The following PLEKHB2 variants were observed in gnomAD, a reference collection of about 807,000 sequenced individuals.
PLEKHB2 encodes pleckstrin homology domain containing B2, also known as pleckstrin homology domain-containing family B member 2.
A neutral mutation model predicts 36.5 loss-of-function variants in PLEKHB2; 31 were observed. The observed-to-expected ratio is 0.85, with a 90% CI of 0.64 to 1.15. PLEKHB2 has a LOEUF of 1.15. PLEKHB2 is among the 50% of genes most tolerant of loss of function. The probability of loss-of-function intolerance (pLI) is 0.00; values close to 1 mark genes in which losing one functional copy is unlikely to be tolerated. For synonymous variants in PLEKHB2, 119 were observed against 112.0 expected, an observed-to-expected ratio of 1.06 and a Z score of -0.39; for missense variants, 262 against 295.3, an observed-to-expected ratio of 0.89 and a Z score of 0.83.
intron 7 of PLEKHB2, 23 bp from the exon 8 acceptor site, chr2:131,146,614 C>A: frequency 6.3e-7 from 1 of 1,595,904 alleles, no homozygotes; most frequent in South Asian, 1.1e-5. Context: ...GCTCAGAAAT[C>A]TGCTATTTTC....
chr2:131,140,865 G>C (rs865936345), intron 7 of PLEKHB2, among the ~76,000 whole-genome samples: 1 of 152,236 alleles, frequency 6.6e-6, no homozygotes, highest in Admixed American at 6.5e-5. Context: ...AGGGTGGGGA[G>C]GGCAGAGCTG....
intron 7 of PLEKHB2, among the ~76,000 whole-genome samples, chr2:131,141,689 A>G (rs1225128536): frequency 6.6e-6 from 1 of 151,896 alleles, no homozygotes; most frequent in African/African-American, 2.4e-5. Flanking sequence ...ATATTTGTCC[A>G]TTGTCTTGTG....
In PLEKHB2 at chr2:131,111,711, G is replaced by A. The variant is rs535090779; in HGVS notation, c.-9+6313G>A. On this transcript the variant is annotated intron_variant, in intron 1 of 7. Coordinates refer to ENST00000693505, the MANE Select transcript of PLEKHB2 (RefSeq NM_001100623.2). ...TCACCATGTTGGCCAGGCTGGTCTC[G>A]AACTCCTGACCTCAAGTGATCTACT... Among the ~76,000 whole-genome samples, 882 of 151,976 alleles carry A rather than the reference G, an allele frequency of 5.8e-3. 3 individuals are homozygous for A. Among genetic ancestry groups the A allele is most frequent in the Non-Finnish European group, 9.5e-3 (649 of 67,964 alleles).
intron 1 of PLEKHB2, among the ~76,000 whole-genome samples, chr2:131,110,968 T>C (rs1366118324): frequency 6.6e-6 from 1 of 152,168 alleles, no homozygotes; most frequent in Non-Finnish European, 1.5e-5. Context: ...ATTTCTCTGC[T>C]CTTTTCTCTG....
At chr2:131,109,565 CT>C (rs1481710060) in intron 1 of PLEKHB2, among the ~76,000 whole-genome samples, 1 of 152,014 alleles carries the variant, frequency 6.6e-6, no homozygotes, top group Non-Finnish European at 1.5e-5. Flanking sequence ...TGGTGGGCGC[CT>C]GTAATCCCAG....
intron 1 of PLEKHB2, among the ~76,000 whole-genome samples, chr2:131,114,993 C>T (rs905971931): frequency 3.9e-5 from 6 of 152,162 alleles, no homozygotes; most frequent in Admixed American, 2.6e-4. Flanking sequence ...TCTGTTCTCA[C>T]GCTGCTAATA....
At position 131,125,838 on chromosome 2, in the gene PLEKHB2, G is replaced by A. The variant is rs1290807345; in HGVS notation, c.123G>A (p.Gln41=). 6.2e-7 allele frequency: 1 copy of A among 1,613,744 alleles called. No homozygotes were observed. The highest frequency in any genetic ancestry group is 1.7e-5 in the Admixed American group (1 of 60,010). Residue 41 remains glutamine (Q), a synonymous_variant, in exon 3 of 8, where the codon CAG becomes CAA. Coordinates refer to ENST00000693505, the MANE Select transcript of PLEKHB2 (RefSeq NM_001100623.2). ...TCTATTATGATGACCAGACTCGGCA[G>A]AATATCGAGGATAAGGTCCACATGC... ...HLIYYDDQTR[Q]NIEDKVHMPM...
rs377580410 is a variant in PLEKHB2 at position 131,125,778 on chromosome 2, G to A, written c.63G>A (p.Lys21=). ...RQSTILKRWK[K]NWFDLWSDGH... ...GTACTATTTTGAAGCGCTGGAAGAA[G>A]AACTGGTTTGATCTGTGGTCGGATG... Residue 21 remains lysine (K), a synonymous_variant, in exon 3 of 8, where the codon AAG becomes AAA. Coordinates refer to ENST00000693505, the MANE Select transcript of PLEKHB2 (RefSeq NM_001100623.2). 1.9e-6 allele frequency: 3 copies of A among 1,611,844 alleles called. No homozygotes were observed. Among genetic ancestry groups the A allele is most frequent in the South Asian group, 1.1e-5 (1 of 90,834 alleles).
chr2:131,129,609 C>T (rs1284944571), intron 4 of PLEKHB2, among the ~76,000 whole-genome samples: 1 of 152,098 alleles, frequency 6.6e-6, no homozygotes, highest in Non-Finnish European at 1.5e-5. Context: ...GGTTCAAGCA[C>T]TTCTCCTGCC....
intron 4 of PLEKHB2, among the ~76,000 whole-genome samples, chr2:131,127,671 G>C (rs1172022603): frequency 6.6e-6 from 1 of 152,192 alleles, no homozygotes; most frequent in Non-Finnish European, 1.5e-5. Context: ...TTGATCTCAA[G>C]CACAAACTAC....
At chr2:131,114,324 T>C (rs1299233977) in intron 1 of PLEKHB2, among the ~76,000 whole-genome samples, 4 of 152,074 alleles carry the variant, frequency 2.6e-5, no homozygotes, top group African/African-American at 9.7e-5. Context: ...CGGGGTTTCA[T>C]CGTGTTAGCC....
intron 6 of PLEKHB2, among the ~76,000 whole-genome samples, chr2:131,136,875 C>T (rs1171285239): frequency 1.3e-5 from 2 of 151,378 alleles, no homozygotes; most frequent in East Asian, 3.9e-4. Flanking sequence ...GTGAAACTGT[C>T]AGGGCTTGGA....
Position 131,132,955 on chromosome 2 carries a change from T to C in PLEKHB2, c.387T>C (p.Pro129=). 1 of 1,613,932 alleles carries C rather than the reference T, an allele frequency of 6.2e-7. No individual in the cohort carries two copies. The highest frequency in any genetic ancestry group is 8.5e-7 in the Non-Finnish European group (1 of 1,179,840). ...ATGAGACATCCGTGGTTTCCTCACCTCCACCATACACGGCCTATGCTGCAC... is the reference window on the plus strand; with the variant it reads ...ATGAGACATCCGTGGTTTCCTCACCCCCACCATACACGGCCTATGCTGCAC... ...MTDETSVVSS[P]PPYTAYAAPA... is the part of the protein sequence containing the mutation. Residue 129 remains proline (P), a synonymous_variant, in exon 6 of 8, where the codon CCT becomes CCC. Transcript: ENST00000693505.
intron 7 of PLEKHB2, among the ~76,000 whole-genome samples, chr2:131,144,120 TTGCCACCTCCA>T (rs1699057553): frequency 6.6e-6 from 1 of 152,130 alleles, no homozygotes; most frequent in Non-Finnish European, 1.5e-5. Flanking sequence ...GATGGGTGCT[TTGCCACCTCCA>T]TGCCATCCTG....
At chr2:131,117,759 G>C (rs1362638755) in intron 1 of PLEKHB2, among the ~76,000 whole-genome samples, 1 of 152,160 alleles carries the variant, frequency 6.6e-6, no homozygotes, top group African/African-American at 2.4e-5. Context: ...CCACTGCACA[G>C]ATGTGATACT....
chr2:131,131,097 T>C (rs1257114107), intron 5 of PLEKHB2, among the ~76,000 whole-genome samples: 1 of 152,230 alleles, frequency 6.6e-6, no homozygotes, highest in African/African-American at 2.4e-5. Flanking sequence ...CCACCAGTAA[T>C]GTTTTCACAT....
intron 2 of PLEKHB2, among the ~76,000 whole-genome samples, chr2:131,124,062 C>G (rs113916553): frequency 1.7e-3 from 256 of 152,192 alleles, no homozygotes; most frequent in African/African-American, 5.9e-3. Flanking sequence ...CCAGGCTGGT[C>G]TCAAACTCCT....
chr2:131,114,221 G>A (rs1695618203), intron 1 of PLEKHB2, among the ~76,000 whole-genome samples: 1 of 152,166 alleles, frequency 6.6e-6, no homozygotes, highest in South Asian at 2.1e-4. Context: ...CGCCTCCTGG[G>A]TTCGCACCAT....
In PLEKHB2 at chr2:131,147,987, G is replaced by T. The variant is rs1407824646; in HGVS notation, c.*1214G>T. On this transcript the variant is annotated 3_prime_UTR_variant, in exon 8 of 8. Coordinates refer to ENST00000693505, the MANE Select transcript of PLEKHB2 (RefSeq NM_001100623.2). ...GAGTGGAAGGAGAGCCTTAGTTAGA[G>T]CGTTCCCATTTCTGGCCTTTGGGGG... is the stretch of plus-strand genomic sequence containing the variant. The T allele has an allele frequency of 6.6e-6, 1 of 152,412 alleles. No individual in the cohort carries two copies. Among genetic ancestry groups the T allele is most frequent in the Non-Finnish European group, 1.5e-5 (1 of 68,234 alleles). The allele number at this position is 152,412 out of a possible 1,614,324, so 9.4% of individuals were successfully genotyped here. A position where few individuals can be genotyped will look rare whatever the true frequency, so the allele number is the denominator to read the frequency against.
Sources: gnomAD v4.1 joint callset for allele counts (sites outside exome capture counted in the v4.1 genomes callset) on GRCh38, gnomAD v4.1.1 for gene constraint, MANE v1.5 for transcripts, NCBI Gene and HGNC (gene_info 2026-07-23, HGNC 2026-07-21) for gene names.